Variants in LRMDA observed in about 807,000 individuals in gnomAD.
LRMDA encodes leucine rich melanocyte differentiation associated.
Under a neutral mutation model 29.8 loss-of-function variants are expected in LRMDA, and 18 were observed. The ratio of observed to expected loss-of-function variants is 0.60; its 90% CI spans 0.42 to 0.90. The LOEUF (loss-of-function observed/expected upper bound fraction) is 0.90, where lower values mean the gene tolerates loss of function less well. LRMDA is among the 40% of genes least tolerant of loss of function. The pLI is 0.00. For missense variants in LRMDA, 273 were observed against 273.9 expected (o/e 1.00, Z 0.02); for synonymous variants, 125 against 109.4 (o/e 1.14, Z -0.89).
At chr10:76,325,709 G>A (rs1010290187) in intron 6 of LRMDA, among the ~76,000 whole-genome samples, 1 of 152,138 alleles carries the variant, frequency 6.6e-6, no homozygotes, top group African/African-American at 2.4e-5. Flanking sequence ...CATTGAATAA[G>A]TTGCATAGAA....
At chr10:76,006,600 A>G (rs16932796) in intron 2 of LRMDA, among the ~76,000 whole-genome samples, 4,369 of 152,208 alleles carry the variant, frequency 0.029, 70 homozygotes, top group Middle Eastern at 0.058. Context: ...AATCTAGGGG[A>G]AAAAAATCTT....
At chr10:76,522,054 C>T (rs866826251) in intron 6 of LRMDA, among the ~76,000 whole-genome samples, 2 of 152,116 alleles carry the variant, frequency 1.3e-5, no homozygotes, top group Non-Finnish European at 2.9e-5. Context: ...TGTGGAGTCT[C>T]AGCTCCAAAA....
intron 5 of LRMDA, among the ~76,000 whole-genome samples, chr10:76,108,124 G>C (rs1226158795): frequency 6.6e-6 from 1 of 152,158 alleles, no homozygotes. Flanking sequence ...CTTATTTCAA[G>C]CTTGGGGAAA....
intron 5 of LRMDA, among the ~76,000 whole-genome samples, chr10:76,113,448 T>C (rs904035761): frequency 3.2e-4 from 48 of 151,320 alleles, no homozygotes; most frequent in African/African-American, 1.1e-3. Context: ...ATGGAAGAGA[T>C]GAGTGAGAGG....
At chr10:76,161,190 G>A (rs1165420384) in intron 5 of LRMDA, among the ~76,000 whole-genome samples, 2 of 152,092 alleles carry the variant, frequency 1.3e-5, no homozygotes, top group Non-Finnish European at 2.9e-5. Flanking sequence ...AAGAGATCTT[G>A]TCTCTGACTC....
At chr10:76,145,506 A>G (rs1246625857) in intron 5 of LRMDA, among the ~76,000 whole-genome samples, 1 of 152,028 alleles carries the variant, frequency 6.6e-6, no homozygotes, top group Non-Finnish European at 1.5e-5. Flanking sequence ...CTCTGATAGT[A>G]GTTTGTATTT....
chr10:75,600,493 G>A (rs1369645110), intron 2 of LRMDA, among the ~76,000 whole-genome samples: 1 of 152,108 alleles, frequency 6.6e-6, no homozygotes, highest in South Asian at 2.1e-4. Flanking sequence ...ATATAAACAA[G>A]CCTTTGTTAT....
At chr10:75,695,033 T>C (rs1207878719) in intron 2 of LRMDA, among the ~76,000 whole-genome samples, 2 of 152,172 alleles carry the variant, frequency 1.3e-5, no homozygotes, top group Non-Finnish European at 2.9e-5. Flanking sequence ...CTGTTGTGAG[T>C]CAGGCTTGTA....
chr10:75,731,455 C>T (rs768001746), intron 2 of LRMDA, among the ~76,000 whole-genome samples: 4 of 152,172 alleles, frequency 2.6e-5, no homozygotes, highest in East Asian at 1.9e-4. Context: ...TGAAGTAGAA[C>T]GTTGTCTTTC....
intron 5 of LRMDA, among the ~76,000 whole-genome samples, chr10:76,166,100 A>G (rs932633463): frequency 6.6e-6 from 1 of 152,168 alleles, no homozygotes; most frequent in African/African-American, 2.4e-5. Context: ...GAAATTCCTG[A>G]GAGACTCCAC....
intron 5 of LRMDA, among the ~76,000 whole-genome samples, chr10:76,288,358 T>G (rs1840298094): frequency 1.3e-5 from 2 of 152,156 alleles, no homozygotes; most frequent in African/African-American, 2.4e-5. Context: ...TCAGCACATT[T>G]CATAATAGCA....
At chr10:76,259,692 G>T (rs188374549) in intron 5 of LRMDA, among the ~76,000 whole-genome samples, 1 of 152,096 alleles carries the variant, frequency 6.6e-6, no homozygotes, top group African/African-American at 2.4e-5. Flanking sequence ...TTGTATTGGG[G>T]TCTATCTCTC....
chr10:75,750,540 C>T (rs1329979816), intron 2 of LRMDA, among the ~76,000 whole-genome samples: 9 of 137,316 alleles, frequency 6.6e-5, no homozygotes, highest in African/African-American at 1.1e-4. Flanking sequence ...GGGGCAGAGG[C>T]GCTCCCCACA....
chr10:76,376,389 C>A (rs1296128554), intron 6 of LRMDA, among the ~76,000 whole-genome samples: 2 of 151,994 alleles, frequency 1.3e-5, no homozygotes, highest in Non-Finnish European at 2.9e-5. Flanking sequence ...CTCTATCTAC[C>A]TATCTATACA....
At chr10:75,712,374 G>A (rs1457764429) in intron 2 of LRMDA, among the ~76,000 whole-genome samples, 2 of 150,974 alleles carry the variant, frequency 1.3e-5, no homozygotes, top group East Asian at 3.9e-4. Context: ...ACGACACGTG[G>A]CCGGCTGGGC....
intron 2 of LRMDA, among the ~76,000 whole-genome samples, chr10:75,943,164 CAAAA>C (rs59276408): frequency 5.2e-5 from 5 of 95,326 alleles, no homozygotes; most frequent in Non-Finnish European, 4.6e-5. Flanking sequence ...ATGTTTTCAG[CAAAA>C]AAAAAAAAAA....
rs1447379428 is a variant in LRMDA, at chr10:76,497,830, C to G, written c.602-59379C>G. ...CATCATATCTCTCAGTTGTGTCTTT[C>G]CTGGTTTTTGGCATCCTTCCTGTCT... is the stretch of plus-strand genomic sequence containing the variant. On this transcript the variant is annotated intron_variant, in intron 6 of 6. Transcript: ENST00000611255. Among the ~76,000 whole-genome samples, 3 of 75,326 alleles carry G rather than the reference C, an allele frequency of 4.0e-5. 1 individual carries two copies. The highest frequency in any genetic ancestry group is 9.7e-5 in the African/African-American group (3 of 31,060). 49.4% of individuals were successfully genotyped at this position (75,326 alleles called of 152,430 possible). A position where few individuals can be genotyped will look rare whatever the true frequency, so the allele number is the denominator to read the frequency against.
chr10:76,232,643 A>G (rs1852079375), intron 5 of LRMDA, among the ~76,000 whole-genome samples: 1 of 152,160 alleles, frequency 6.6e-6, no homozygotes, highest in African/African-American at 2.4e-5. Flanking sequence ...GATGGCCTCT[A>G]CCTGCTGTAG....
chr10:76,154,388 A>G (rs766052958), intron 5 of LRMDA, among the ~76,000 whole-genome samples: 1 of 152,232 alleles, frequency 6.6e-6, no homozygotes, highest in African/African-American at 2.4e-5. Flanking sequence ...TCAGAATGAC[A>G]ATTAGAGCAT....
Sources: gnomAD v4.1 joint callset for allele counts (sites outside exome capture counted in the v4.1 genomes callset) on GRCh38, gnomAD v4.1.1 for gene constraint, MANE v1.5 for transcripts, NCBI Gene and HGNC (gene_info 2026-07-23, HGNC 2026-07-21) for gene names.